The following PCSK5 variants were observed in gnomAD, a reference collection of about 807,000 sequenced individuals.
The protein encoded by PCSK5 is prohormone convertase 5.
A neutral mutation model predicts 233.2 loss-of-function variants in PCSK5; 129 were observed. The observed-to-expected ratio is 0.55, with a 90% CI of 0.48 to 0.64. PCSK5 has a LOEUF of 0.64. Ranked by LOEUF, PCSK5 falls within the 30% of genes least tolerant of loss-of-function variation. The pLI, the probability that PCSK5 is intolerant of heterozygous loss-of-function variation, is 0.00. For missense variants in PCSK5, 2,076 were observed against 2,430.1 expected, an observed-to-expected ratio of 0.85 and a Z score of 3.06; for synonymous variants, 825 against 879.2, an observed-to-expected ratio of 0.94 and a Z score of 1.09.
intron 10 of PCSK5, among the ~76,000 whole-genome samples, chr9:76,143,244 G>C (rs1823302294): frequency 6.6e-6 from 1 of 152,136 alleles, no homozygotes. Context: ...CAACAGGTCA[G>C]GGGAAGGGGC....
intron 28 of PCSK5, among the ~76,000 whole-genome samples, chr9:76,303,352 T>C (rs1270596825): frequency 2.0e-5 from 3 of 152,142 alleles, no homozygotes; most frequent in African/African-American, 7.2e-5. Context: ...ATTACAGAAT[T>C]TCATACCAGG....
intron 9 of PCSK5, among the ~76,000 whole-genome samples, chr9:76,133,262 G>A: frequency 6.6e-6 from 1 of 152,054 alleles, no homozygotes; most frequent in Non-Finnish European, 1.5e-5. Flanking sequence ...AATGAAATAA[G>A]TATCCTGATT....
At chr9:75,926,309 T>G (rs958448173) in intron 1 of PCSK5, among the ~76,000 whole-genome samples, 4 of 152,158 alleles carry the variant, frequency 2.6e-5, no homozygotes, top group African/African-American at 9.7e-5. Flanking sequence ...TGCTGACAAA[T>G]GTATATACCC....
At chr9:75,934,995 A>G (rs1240191571) in intron 2 of PCSK5, among the ~76,000 whole-genome samples, 1 of 152,150 alleles carries the variant, frequency 6.6e-6, no homozygotes, top group African/African-American at 2.4e-5. Flanking sequence ...GATTCCCCAA[A>G]TGTTAATGTT....
At position 76,360,275 on chromosome 9, in the gene PCSK5, A is replaced by G. The variant is rs181990873; in HGVS notation, c.*1353A>G. The G allele has an allele frequency of 6.6e-6, 1 of 152,336 alleles. No individual in the cohort carries two copies. The highest frequency in any genetic ancestry group is 1.9e-4 in the East Asian group (1 of 5,184). The allele number at this position is 152,336 out of a possible 1,614,324, so 9.4% of individuals were successfully genotyped here. On this transcript the variant is annotated 3_prime_UTR_variant, in exon 38 of 38. Coordinates refer to ENST00000674117, the MANE Select transcript of PCSK5 (RefSeq NM_001372043.1). The stretch of plus-strand genomic sequence containing the variant: ...CCCCCCAAAAATGCCCCACTTATCC[A>G]TTTTGGTACTTACCATACTCCCATG...
chr9:76,329,199 G>A (rs985617939), intron 33 of PCSK5, among the ~76,000 whole-genome samples: 4 of 151,808 alleles, frequency 2.6e-5, no homozygotes, highest in East Asian at 1.9e-4. Context: ...GCAGTGGCAC[G>A]ATCATGGTTC....
At chr9:75,972,162 C>T (rs545251454) in intron 2 of PCSK5, among the ~76,000 whole-genome samples, 112 of 152,200 alleles carry the variant, frequency 7.4e-4, no homozygotes, top group African/African-American at 2.6e-3. Flanking sequence ...TTGTTTTTGT[C>T]AGGTTTGTTG....
chr9:75,937,004 G>C (rs1281211589), intron 2 of PCSK5, among the ~76,000 whole-genome samples: 2 of 151,986 alleles, frequency 1.3e-5, no homozygotes, highest in Non-Finnish European at 2.9e-5. Flanking sequence ...CAGTGCTCTT[G>C]GGTGACTAGG....
At chr9:76,127,083 C>T (rs1042346922) in intron 9 of PCSK5, among the ~76,000 whole-genome samples, 1 of 148,750 alleles carries the variant, frequency 6.7e-6, no homozygotes, top group African/African-American at 2.5e-5. Context: ...AGAGAAGCAT[C>T]ATTTTAGTTC....
chr9:76,058,112 A>G (rs1416593916), intron 5 of PCSK5, among the ~76,000 whole-genome samples: 3 of 152,112 alleles, frequency 2.0e-5, no homozygotes, highest in African/African-American at 7.2e-5. Context: ...GCCCCAAAAA[A>G]CTGCAAGGAT....
At position 76,155,891 on chromosome 9, in the gene PCSK5, G is replaced by C. The variant is rs977275101; in HGVS notation, c.1313-1154G>C. Among the ~76,000 whole-genome samples, 7 of 152,326 alleles carry C rather than the reference G, an allele frequency of 4.6e-5. No individual in the cohort carries two copies. The East Asian group carries it at 1.4e-3, about 29-fold the overall frequency. ...GTTGTCAGGCCAAGTTCTCAGCCTG[G>C]ACAAAGGCAGTGGGGCAGAAAGAGC... On this transcript the variant is annotated intron_variant, in intron 10 of 37. Transcript: ENST00000674117.
chr9:76,233,689 G>A (rs139684536), intron 22 of PCSK5, 93 bp downstream of exon 22: 47 of 1,163,212 alleles, frequency 4.0e-5, no homozygotes, highest in Non-Finnish European at 5.6e-5. Context: ...CTTGTGTCTG[G>A]GGCTGAGGGT....
intron 1 of PCSK5, among the ~76,000 whole-genome samples, chr9:75,903,817 G>A (rs1000307883): frequency 2.0e-5 from 3 of 151,408 alleles, no homozygotes; most frequent in African/African-American, 7.3e-5. Flanking sequence ...TACAGAGCAG[G>A]GAGGGGAGAT....
intron 9 of PCSK5, among the ~76,000 whole-genome samples, chr9:76,111,892 A>G (rs1490787405): frequency 6.6e-6 from 1 of 152,180 alleles, no homozygotes; most frequent in African/African-American, 2.4e-5. Flanking sequence ...GGAAAAAAAT[A>G]AAAGAGCTTG....
intron 8 of PCSK5, among the ~76,000 whole-genome samples, chr9:76,101,840 A>T (rs1255526029): frequency 1.3e-5 from 2 of 152,198 alleles, no homozygotes; most frequent in Admixed American, 1.3e-4. Flanking sequence ...TCTTTTGCAG[A>T]AATATTCTGC....
At chr9:76,101,814 A>G (rs1831770160) in intron 8 of PCSK5, among the ~76,000 whole-genome samples, 1 of 152,170 alleles carries the variant, frequency 6.6e-6, no homozygotes, top group African/African-American at 2.4e-5. Context: ...TAATGCTTCT[A>G]AGCAGCTCTA....
chr9:75,901,948 G>T (rs1249128622), intron 1 of PCSK5, among the ~76,000 whole-genome samples: 1 of 152,096 alleles, frequency 6.6e-6, no homozygotes, highest in Non-Finnish European at 1.5e-5. Context: ...GGGCGTGGTG[G>T]CTCACGCCTG....
chr9:76,307,532 A>G (rs535283801), intron 28 of PCSK5, among the ~76,000 whole-genome samples: 1 of 152,250 alleles, frequency 6.6e-6, no homozygotes, highest in South Asian at 2.1e-4. Flanking sequence ...AAATTGTCCC[A>G]TGGAGTTGCT....
intron 5 of PCSK5, among the ~76,000 whole-genome samples, chr9:76,036,939 G>A (rs757957273): frequency 9.2e-5 from 14 of 152,230 alleles, no homozygotes; most frequent in Non-Finnish European, 1.9e-4. Context: ...TTAATAACTT[G>A]GCTGTACCAA....
Sources: allele counts gnomAD v4.1 joint callset (sites outside exome capture counted in the v4.1 genomes callset), GRCh38; gene constraint gnomAD v4.1.1; transcripts MANE v1.5; gene names NCBI Gene and HGNC (gene_info 2026-07-23, HGNC 2026-07-21).